SUMF1: variants seen among roughly 807,000 people sequenced by gnomAD.
SUMF1 encodes formylglycine-generating enzyme.
A neutral mutation model predicts 47.6 loss-of-function variants in SUMF1; 48 were observed. That is an observed-to-expected ratio of 1.01 (90% CI 0.80 to 1.28). The LOEUF (loss-of-function observed/expected upper bound fraction) is 1.28, where lower values mean the gene tolerates loss of function less well. Among genes scored for constraint, SUMF1 ranks in the 50% most tolerant of loss-of-function variants. SUMF1 has a pLI of 0.00. For synonymous variants in SUMF1, 230 were observed against 192.1 expected, an observed-to-expected ratio of 1.20 and a Z score of -1.63; for missense variants, 571 against 485.4, an observed-to-expected ratio of 1.18 and a Z score of -1.66.
chr3:4,061,783 ATGAT>A (rs1219133953), intron 9 of SUMF1, among the ~76,000 whole-genome samples: 4 of 152,120 alleles, frequency 2.6e-5, no homozygotes, highest in African/African-American at 4.8e-5. Flanking sequence ...CTAAAACTCT[ATGAT>A]TGGTACAAGA....
intron 9 of SUMF1, among the ~76,000 whole-genome samples, chr3:4,041,898 G>A (rs550893850): frequency 3.0e-4 from 45 of 152,132 alleles, no homozygotes; most frequent in African/African-American, 9.9e-4. Context: ...CCTGAATCCC[G>A]GGTGCTGTTC....
At chr3:4,243,249 G>C (rs957710276) in intron 8 of SUMF1, among the ~76,000 whole-genome samples, 1 of 151,700 alleles carries the variant, frequency 6.6e-6, no homozygotes, top group African/African-American at 2.4e-5. Context: ...AGGTTTTTTG[G>C]GTCTCTACCT....
At chr3:4,440,265 G>C (rs1211669792) in intron 3 of SUMF1, among the ~76,000 whole-genome samples, 1 of 120,812 alleles carries the variant, frequency 8.3e-6, no homozygotes, top group Non-Finnish European at 1.8e-5. Context: ...AAAAAAAAAA[G>C]ATACTGAGCT....
intron 8 of SUMF1, among the ~76,000 whole-genome samples, chr3:4,205,436 C>T (rs1007673203): frequency 3.3e-5 from 5 of 152,198 alleles, no homozygotes; most frequent in Non-Finnish European, 1.5e-5. Context: ...CACACGGACA[C>T]ATGAGACAGT....
At chr3:4,267,767 A>T (rs1450890299) in intron 8 of SUMF1, among the ~76,000 whole-genome samples, 19 of 150,040 alleles carry the variant, frequency 1.3e-4, no homozygotes, top group African/African-American at 4.4e-4. Context: ...GAGAAATAGG[A>T]ACACTTTTAC....
intron 8 of SUMF1, among the ~76,000 whole-genome samples, chr3:4,160,559 A>C (rs1694553011): frequency 6.6e-6 from 1 of 151,842 alleles, no homozygotes. Flanking sequence ...CTCTCTCTTC[A>C]AGCTCACTAA....
intron 8 of SUMF1, among the ~76,000 whole-genome samples, chr3:4,237,303 G>A (rs1354111102): frequency 6.6e-6 from 1 of 152,030 alleles, no homozygotes; most frequent in African/African-American, 2.4e-5. Flanking sequence ...TGTTGTCAGT[G>A]TTTTGGATTT....
chr3:4,298,911 C>A (rs1330041950), intron 8 of SUMF1, among the ~76,000 whole-genome samples: 1 of 152,198 alleles, frequency 6.6e-6, no homozygotes, highest in African/African-American at 2.4e-5. Flanking sequence ...CCACATCTTT[C>A]TTTTTATTAC....
intron 6 of SUMF1, among the ~76,000 whole-genome samples, chr3:4,413,575 C>T (rs1212006354): frequency 6.6e-6 from 1 of 152,022 alleles, no homozygotes; most frequent in Non-Finnish European, 1.5e-5. Context: ...TCTCAGGAAC[C>T]TCAAAAGCAA....
chr3:4,154,297 A>C (rs1236645469), intron 8 of SUMF1, among the ~76,000 whole-genome samples: 1 of 151,432 alleles, frequency 6.6e-6, no homozygotes, highest in African/African-American at 2.5e-5. Context: ...AGTGACTCTA[A>C]TCCTGGGGAA....
intron 8 of SUMF1, among the ~76,000 whole-genome samples, chr3:4,123,955 T>C (rs1161598265): frequency 6.6e-6 from 1 of 152,146 alleles, no homozygotes; most frequent in Non-Finnish European, 1.5e-5. Context: ...ATATTTGCTC[T>C]TCCTGTCTTT....
At chr3:4,368,550 C>T (rs1023022306) in intron 8 of SUMF1, among the ~76,000 whole-genome samples, 10 of 152,008 alleles carry the variant, frequency 6.6e-5, no homozygotes, top group South Asian at 2.1e-4. Context: ...ATGTTTATTG[C>T]GGCACTACTC....
chr3:4,396,057 G>C (rs1240396589), intron 7 of SUMF1, among the ~76,000 whole-genome samples: 1 of 152,168 alleles, frequency 6.6e-6, no homozygotes, highest in African/African-American at 2.4e-5. Flanking sequence ...ATTAACACTT[G>C]TGCTAGGCAC....
chr3:4,053,827 T>A (rs773935725), intron 9 of SUMF1, among the ~76,000 whole-genome samples: 1 of 152,112 alleles, frequency 6.6e-6, no homozygotes, highest in Non-Finnish European at 1.5e-5. Context: ...TTGGTGAATA[T>A]TTTCACCTTT....
At chr3:4,466,840 C>T (rs944629314) in intron 1 of SUMF1, 136 bp downstream of exon 1, 15 of 1,338,766 alleles carry the variant, frequency 1.1e-5, no homozygotes, top group Non-Finnish European at 1.4e-5. Flanking sequence ...ACTCCTCATA[C>T]GGGAACAGCA....
intron 8 of SUMF1, among the ~76,000 whole-genome samples, chr3:4,218,938 C>T (rs1265849294): frequency 5.9e-5 from 9 of 152,110 alleles, no homozygotes; most frequent in African/African-American, 1.9e-4. Flanking sequence ...TTCGTGCTCA[C>T]AGAGGAAGTC....
intron 3 of SUMF1, among the ~76,000 whole-genome samples, chr3:4,444,647 TG>T (rs1702719218): frequency 6.6e-6 from 1 of 152,192 alleles, no homozygotes; most frequent in African/African-American, 2.4e-5. Context: ...TATCATCCCC[TG>T]TGTCCTTGAA....
chr3:4,241,346 C>T (rs1696533519), intron 8 of SUMF1, among the ~76,000 whole-genome samples: 1 of 151,990 alleles, frequency 6.6e-6, no homozygotes, highest in African/African-American at 2.4e-5. Flanking sequence ...CCCTTCATAC[C>T]CAAATAATAT....
At chr3:4,219,245 C>T (rs774150995) in intron 8 of SUMF1, among the ~76,000 whole-genome samples, 2 of 152,194 alleles carry the variant, frequency 1.3e-5, no homozygotes, top group Non-Finnish European at 2.9e-5. Context: ...TTATTCGACA[C>T]TTTCCACATT....
Sources: allele counts gnomAD v4.1 joint callset (sites outside exome capture counted in the v4.1 genomes callset), GRCh38; gene constraint gnomAD v4.1.1; transcripts MANE v1.5; gene names NCBI Gene and HGNC (gene_info 2026-07-23, HGNC 2026-07-21).